EDA2R: variants seen among roughly 807,000 people sequenced by gnomAD.
EDA2R encodes ectodysplasin A2 receptor.
EDA2R carries 26 observed loss-of-function variants against 20.1 expected under a neutral mutation model. The observed-to-expected ratio is 1.30, with a 90% CI of 0.95 to 1.80. The LOEUF (loss-of-function observed/expected upper bound fraction) is 1.80, where lower values mean the gene tolerates loss of function less well. Ranked by LOEUF, EDA2R falls within the 40% of genes most tolerant of loss-of-function variation. EDA2R has a pLI of 0.00. For synonymous variants in EDA2R, 114 were observed against 88.7 expected (o/e 1.29, Z -1.60); for missense variants, 277 against 228.7 (o/e 1.21, Z -1.36).
At chrX:66,624,596 C>T (rs1036520907) in intron 1 of EDA2R, among the ~76,000 whole-genome samples, 2 of 111,823 alleles carry the variant, frequency 1.8e-5, no homozygotes, top group African/African-American at 3.3e-5. Context: ...AGATCTTGCT[C>T]AAGATCTCAG....
intron 3 of EDA2R, 103 bp downstream of exon 3, chrX:66,604,945 T>C (rs1196165156): frequency 1.1e-5 from 8 of 756,572 alleles, no homozygotes; most frequent in Non-Finnish European, 1.5e-5. Context: ...AATATTATGT[T>C]TATAAGAAGA....
intron 2 of EDA2R, among the ~76,000 whole-genome samples, chrX:66,611,853 A>C (rs1016629502): frequency 2.7e-5 from 3 of 111,652 alleles, no homozygotes; most frequent in Non-Finnish European, 5.7e-5. Flanking sequence ...CAAACAGAAA[A>C]AAATCCAAAG....
chrX:66,616,097 C>T, intron 1 of EDA2R, 67 bp from the exon 2 acceptor site: 1 of 762,819 alleles, frequency 1.3e-6, no homozygotes, highest in Non-Finnish European at 2.0e-6. Context: ...GCTTCCATGC[C>T]ACTTGGCTTC....
At chrX:66,599,344 G>A (rs772414104) in intron 6 of EDA2R, 130 bp downstream of exon 6, 3 of 752,333 alleles carry the variant, frequency 4.0e-6, no homozygotes, top group Admixed American at 8.6e-5. Context: ...TCCACCCAAA[G>A]TGTTCCTAGC....
intron 4 of EDA2R, among the ~76,000 whole-genome samples, chrX:66,604,060 G>T (rs1929173357): frequency 9.0e-6 from 1 of 111,064 alleles, no homozygotes; most frequent in African/African-American, 3.3e-5. Context: ...TCAGCCCTAG[G>T]GGCTCCTATA....
At chrX:66,604,322 C>A in intron 4 of EDA2R, 99 bp downstream of exon 4, 1 of 701,925 alleles carries the variant, frequency 1.4e-6, no homozygotes, top group Admixed American at 3.2e-5. Flanking sequence ...CTCTACTCTA[C>A]ATGAAAAGGT....
chrX:66,630,511 C>A (rs1933638830), intron 1 of EDA2R, among the ~76,000 whole-genome samples: 2 of 110,425 alleles, frequency 1.8e-5, no homozygotes, highest in Admixed American at 1.9e-4. Flanking sequence ...TCAAACAATC[C>A]CACCAAAACG....
chrX:66,617,405 G>A (rs1463495280), intron 1 of EDA2R, among the ~76,000 whole-genome samples: 5 of 111,725 alleles, frequency 4.5e-5, no homozygotes, highest in African/African-American at 1.6e-4. Flanking sequence ...GGCCTCAGTA[G>A]GCATGCTTCC....
chrX:66,632,608 GA>G (rs371914399), intron 1 of EDA2R, among the ~76,000 whole-genome samples: 6,645 of 80,134 alleles, frequency 0.083, 582 homozygotes, highest in African/African-American at 0.27. Context: ...AGCCAGAGAA[GA>G]AAAAAAAAAA....
intron 5 of EDA2R, 88 bp downstream of exon 5, chrX:66,602,545 A>C: frequency 5.0e-6 from 5 of 1,007,420 alleles, no homozygotes; most frequent in Non-Finnish European, 6.6e-6. Context: ...GAAAAGGCCC[A>C]TTGTCTCTCA....
At chrX:66,630,978 T>C (rs1276148521) in intron 1 of EDA2R, among the ~76,000 whole-genome samples, 1 of 110,360 alleles carries the variant, frequency 9.1e-6, no homozygotes, top group Non-Finnish European at 1.9e-5. Context: ...TATACACGTA[T>C]GTGTGTATGT....
rs376190384 is a variant in EDA2R, at chrX:66,620,965, CAAAAAAAAAAAA to C, written c.-10-4947_-10-4936del. 7.0e-3 allele frequency among the ~76,000 whole-genome samples: 385 copies of C among 55,316 alleles called. 4 individuals carry two copies. The highest frequency in any genetic ancestry group is 0.02 in the African/African-American group (364 of 17,976). The allele number at this position is 55,316 out of a possible 115,157, so 48.0% of individuals were successfully genotyped here. ...TAAAACAGCACTTTATATCCACTAC[CAAAAAAAAAAAA>C]AAAAAAAAAAAATAGCCGGCCAGGC... On this transcript the variant is annotated intron_variant, in intron 1 of 6. Coordinates refer to ENST00000374719, the MANE Select transcript of EDA2R (RefSeq NM_021783.5).
rs770555125 is a variant in EDA2R, at chrX:66,602,797, C to T, written c.353G>A (p.Cys118Tyr). Residue 118 changes from cysteine to tyrosine, a missense_variant and splice_region_variant, in exon 5 of 7, where the codon TGT (cysteine) becomes TAT (tyrosine). Transcript: ENST00000374719. ...CTCCACTAAGCTCAACTGGAAGGCA[C>T]CTGTGAGACAAAAAAATGGGGGAGG... ...TKQTPTSEVQ[C>Y]AFQLSLVEAD... 1.4e-5 allele frequency: 17 copies of T among 1,173,854 alleles called. No individual in the cohort carries two copies. The highest frequency in any genetic ancestry group is 9.0e-5 in the African/African-American group (5 of 55,856).
intron 6 of EDA2R, among the ~76,000 whole-genome samples, chrX:66,598,692 CTT>C (rs991070755): frequency 8.9e-6 from 1 of 112,243 alleles, no homozygotes; most frequent in African/African-American, 3.2e-5. Flanking sequence ...TCAGTTATGA[CTT>C]TCAAATATAC....
intron 2 of EDA2R, among the ~76,000 whole-genome samples, chrX:66,609,011 C>G (rs1432970870): frequency 8.9e-6 from 1 of 111,988 alleles, no homozygotes; most frequent in African/African-American, 3.2e-5. Flanking sequence ...TTTGAGATTA[C>G]ATATTTTACC....
intron 1 of EDA2R, among the ~76,000 whole-genome samples, chrX:66,633,517 G>A (rs1001382416): frequency 3.6e-5 from 4 of 111,365 alleles, no homozygotes; most frequent in African/African-American, 1.3e-4. Context: ...GTATGTGAGA[G>A]TGCTGTGGAA....
chrX:66,618,842 G>C (rs1932146495), intron 1 of EDA2R, among the ~76,000 whole-genome samples: 1 of 112,413 alleles, frequency 8.9e-6, no homozygotes, highest in Non-Finnish European at 1.9e-5. Context: ...ATGTAGACTT[G>C]AGTTTTAATT....
chrX:66,624,347 C>T (rs1036059827), intron 1 of EDA2R, among the ~76,000 whole-genome samples: 2 of 111,093 alleles, frequency 1.8e-5, no homozygotes, highest in Non-Finnish European at 3.8e-5. Context: ...GATGAAACCT[C>T]AATTCTACTA....
intron 5 of EDA2R, 56 bp from the exon 6 acceptor site, chrX:66,599,916 C>T (rs1409442502): frequency 8.6e-7 from 1 of 1,168,171 alleles, no homozygotes; most frequent in South Asian, 2.0e-5. Context: ...CTCTTCTCAG[C>T]TGGGCACTGG....
Sources: allele counts gnomAD v4.1 joint callset (sites outside exome capture counted in the v4.1 genomes callset), GRCh38; gene constraint gnomAD v4.1.1; transcripts MANE v1.5; gene names NCBI Gene and HGNC (gene_info 2026-07-23, HGNC 2026-07-21).